TRAPPC8: variants seen among roughly 807,000 people sequenced by gnomAD.
TRAPPC8 encodes trafficking protein particle complex subunit 8.
Under a neutral mutation model 174.3 loss-of-function variants are expected in TRAPPC8, and 54 were observed. That is an observed-to-expected ratio of 0.31 (90% CI 0.25 to 0.39). The LOEUF (loss-of-function observed/expected upper bound fraction) is 0.39, where lower values mean the gene tolerates loss of function less well. Ranked by LOEUF, TRAPPC8 falls within the 10% of genes least tolerant of loss-of-function variation. The pLI, the probability that TRAPPC8 is intolerant of heterozygous loss-of-function variation, is 1.00. For synonymous variants in TRAPPC8, 630 were observed against 579.9 expected, an observed-to-expected ratio of 1.09 and a Z score of -1.24; for missense variants, 1,531 against 1,699.1, an observed-to-expected ratio of 0.90 and a Z score of 1.74.
chr18:31,885,341 T>C (rs909184442), intron 12 of TRAPPC8, among the ~76,000 whole-genome samples: 1 of 152,106 alleles, frequency 6.6e-6, no homozygotes, highest in Non-Finnish European at 1.5e-5. Flanking sequence ...ACAAAAATAA[T>C]TGGACTGTAA....
At chr18:31,933,830 T>C (rs1195221195) in intron 1 of TRAPPC8, among the ~76,000 whole-genome samples, 1 of 152,156 alleles carries the variant, frequency 6.6e-6, no homozygotes, top group Middle Eastern at 3.2e-3. Context: ...AAAAACGTTT[T>C]TAAAATACTG....
intron 10 of TRAPPC8, among the ~76,000 whole-genome samples, chr18:31,899,711 C>T (rs1286689302): frequency 2.6e-5 from 4 of 152,096 alleles, no homozygotes; most frequent in Non-Finnish European, 5.9e-5. Flanking sequence ...TTTTGGGAGG[C>T]CAAGGTGGGC....
intron 10 of TRAPPC8, among the ~76,000 whole-genome samples, chr18:31,898,665 G>A (rs907891331): frequency 1.1e-4 from 17 of 152,326 alleles, no homozygotes; most frequent in Middle Eastern, 6.8e-3. Context: ...TACAGCCAGC[G>A]TTGTCTGATT....
chr18:31,853,600 A>G (rs1453556303), intron 22 of TRAPPC8, among the ~76,000 whole-genome samples: 2 of 152,112 alleles, frequency 1.3e-5, no homozygotes, highest in African/African-American at 4.8e-5. Context: ...TCATGTACCC[A>G]AGCACTGATT....
chr18:31,860,940 G>C (rs2034290973), intron 19 of TRAPPC8, among the ~76,000 whole-genome samples: 1 of 152,112 alleles, frequency 6.6e-6, no homozygotes, highest in African/African-American at 2.4e-5. Flanking sequence ...TTTATCTGTA[G>C]ATAAAAATCC....
intron 12 of TRAPPC8, among the ~76,000 whole-genome samples, chr18:31,878,796 T>C (rs1239370279): frequency 6.6e-6 from 1 of 151,412 alleles, no homozygotes; most frequent in African/African-American, 2.4e-5. Context: ...ATCACGCAAA[T>C]GGAAAACAAA....
Position 31,857,768 on chromosome 18 carries a change from T to C in TRAPPC8, c.2960A>G (p.Asp987Gly). 6.2e-7 allele frequency: 1 copy of C among 1,614,162 alleles called. No individual in the cohort carries two copies. Among genetic ancestry groups the C allele is most frequent in the East Asian group, 2.2e-5 (1 of 44,880 alleles). ...GAGTGCTGTACACACAGAGGTAGCATCTGTCACAACAGTCTTGTAAGCACT... is the reference window on the plus strand; with the variant it reads ...GAGTGCTGTACACACAGAGGTAGCACCTGTCACAACAGTCTTGTAAGCACT... ...NCSAYKTVVT[D>G]ATSVCTALIS... Residue 987 changes from aspartate (D) to glycine (G), a missense_variant, in exon 20 of 29, where the codon GAT becomes GGT. Physicochemically the swap from Asp to Gly is moderately conservative, Grantham distance 94. Coordinates refer to ENST00000283351, the MANE Select transcript of TRAPPC8 (RefSeq NM_014939.5).
At chr18:31,872,337 ACAG>A (rs2034909177) in intron 14 of TRAPPC8, among the ~76,000 whole-genome samples, 1 of 152,246 alleles carries the variant, frequency 6.6e-6, no homozygotes, top group Non-Finnish European at 1.5e-5. Flanking sequence ...TCTTACAAGA[ACAG>A]CAGAACATTG....
intron 1 of TRAPPC8, among the ~76,000 whole-genome samples, chr18:31,931,946 T>C (rs768817745): frequency 6.6e-6 from 1 of 152,192 alleles, no homozygotes; most frequent in Non-Finnish European, 1.5e-5. Context: ...GGCTTCCTTC[T>C]TCTTTCCCTA....
intron 12 of TRAPPC8, among the ~76,000 whole-genome samples, chr18:31,887,329 G>A (rs2035760442): frequency 6.6e-6 from 1 of 152,136 alleles, no homozygotes; most frequent in South Asian, 2.1e-4. Context: ...AATAAACTGG[G>A]TATCAAAGGA....
intron 1 of TRAPPC8, 71 bp from the exon 2 acceptor site, chr18:31,931,594 T>C: frequency 8.2e-7 from 1 of 1,216,898 alleles, no homozygotes; most frequent in East Asian, 2.6e-5. Flanking sequence ...ATTGGGCTGA[T>C]GGTTTACAAA....
At chr18:31,860,500 T>C (rs766718267) in intron 19 of TRAPPC8, among the ~76,000 whole-genome samples, 8 of 152,168 alleles carry the variant, frequency 5.3e-5, no homozygotes, top group Non-Finnish European at 1.0e-4. Context: ...TACAGTAACT[T>C]TCATTCTCAC....
chr18:31,916,708 A>AT (rs1045228002), intron 3 of TRAPPC8, among the ~76,000 whole-genome samples: 1 of 151,938 alleles, frequency 6.6e-6, no homozygotes, highest in Non-Finnish European at 1.5e-5. Context: ...AATTTTTTAT[A>AT]TTTTTTGTAA....
At position 31,893,829 on chromosome 18, in the gene TRAPPC8, TAC is replaced by T. The variant is rs201717857; in HGVS notation, c.1597-2965_1597-2964del. On this transcript the variant is annotated intron_variant, in intron 11 of 28. Coordinates refer to ENST00000283351, the MANE Select transcript of TRAPPC8 (RefSeq NM_014939.5). ...CACACTGCACATATGCATGCATACA[TAC>T]ACACACACGAAAAAATAAAATAAAA... Among the ~76,000 whole-genome samples the T allele has an allele frequency of 7.2e-4, 109 of 152,010 alleles. No individual in the cohort carries two copies. The East Asian group carries it at 0.016, about 22-fold the overall frequency.
chr18:31,897,726 C>T (rs940787776), intron 11 of TRAPPC8, 60 bp downstream of exon 11: 2 of 1,198,378 alleles, frequency 1.7e-6, no homozygotes, highest in Non-Finnish European at 1.1e-6. Flanking sequence ...AAAAAAGATA[C>T]ATCTTTTTAA....
chr18:31,837,959 A>AAATC (rs1555653403), intron 27 of TRAPPC8, among the ~76,000 whole-genome samples: 1 of 144,266 alleles, frequency 6.9e-6, no homozygotes, highest in Non-Finnish European at 1.5e-5. Flanking sequence ...GTTAAAAAAA[A>AAATC]AATCACTTAA....
At chr18:31,831,853 G>T (rs1353048288) in intron 28 of TRAPPC8, among the ~76,000 whole-genome samples, 1 of 151,924 alleles carries the variant, frequency 6.6e-6, no homozygotes, top group Non-Finnish European at 1.5e-5. Flanking sequence ...TCTGATGTGG[G>T]ACTGTGGATC....
intron 17 of TRAPPC8, 90 bp from the exon 18 acceptor site, chr18:31,867,065 C>T: frequency 5.9e-6 from 8 of 1,361,088 alleles, no homozygotes; most frequent in Non-Finnish European, 7.9e-6. Context: ...AAAACATAAA[C>T]TCATGACCTA....
At position 31,942,665 on chromosome 18, in the gene TRAPPC8, G is replaced by A. The variant is rs956438267; in HGVS notation, c.100C>T (p.Leu34Phe). ...AGCTCCGCGAAGCTGAGGTGATTGAGACGAGTGAGCCGCTCGGCTTCGTCG... is the reference window on the plus strand; with the variant it reads ...AGCTCCGCGAAGCTGAGGTGATTGAAACGAGTGAGCCGCTCGGCTTCGTCG... The part of the protein sequence containing the change: ...CSDEAERLTR[L>F]NHLSFAELLK... Residue 34 changes from leucine to phenylalanine, a missense_variant, in exon 1 of 29, where the codon CTC becomes TTC. Leu to Phe is a conservative substitution (Grantham distance 22, BLOSUM62 0). Transcript: ENST00000283351. 6.2e-7 allele frequency: 1 copy of A among 1,611,464 alleles called. No individual in the cohort carries two copies. The highest frequency in any genetic ancestry group is 8.5e-7 in the Non-Finnish European group (1 of 1,178,854).
Sources: allele counts gnomAD v4.1 joint callset (sites outside exome capture counted in the v4.1 genomes callset), GRCh38; gene constraint gnomAD v4.1.1; transcripts MANE v1.5; gene names NCBI Gene and HGNC (gene_info 2026-07-23, HGNC 2026-07-21).